Variants in PHLPP1 observed in about 807,000 individuals in gnomAD.
PHLPP1 encodes the protein PH domain and leucine rich repeat protein phosphatase 1, also known as PH domain leucine-rich repeat-containing protein phosphatase 1.
A neutral mutation model predicts 117.2 loss-of-function variants in PHLPP1; 42 were observed. The ratio of observed to expected loss-of-function variants is 0.36; its 90% CI spans 0.28 to 0.46. The LOEUF (loss-of-function observed/expected upper bound fraction) is 0.46. PHLPP1 is among the 20% of genes least tolerant of loss of function. PHLPP1 has a pLI of 1.00. For synonymous variants in PHLPP1, 1,042 were observed against 970.7 expected (o/e 1.07, Z -1.37); for missense variants, 2,084 against 2,241.9 (o/e 0.93, Z 1.42).
At chr18:62,863,368 T>C (rs1915682876) in intron 4 of PHLPP1, among the ~76,000 whole-genome samples, 1 of 152,062 alleles carries the variant, frequency 6.6e-6, no homozygotes, top group South Asian at 2.1e-4. Flanking sequence ...CACGCACAGC[T>C]AGAATTTATA....
Position 62,978,170 on chromosome 18 carries a change from A to G in PHLPP1, c.3985-92A>G. The G allele has an allele frequency of 1.5e-6, 1 of 684,380 alleles. No homozygotes were observed. Among genetic ancestry groups the G allele is most frequent in the Non-Finnish European group, 2.5e-6 (1 of 394,154 alleles). 42.4% of individuals were successfully genotyped at this position (684,380 alleles called of 1,614,324 possible). A position where few individuals can be genotyped will look rare whatever the true frequency, so the allele number is the denominator to read the frequency against. ...ACACAGCACTTCTCTGTGGTCCTAC[A>G]GTCGAGACAGTCGAGGGACCCGCAG... is the stretch of plus-strand genomic sequence containing the variant. On this transcript the variant is annotated intron_variant, in intron 16 of 16. Coordinates refer to ENST00000262719, the MANE Select transcript of PHLPP1 (RefSeq NM_194449.4). This position sits in a 1 kb window ranked among gnomAD's most constrained non-coding sequence, Gnocchi z 7.0.
intron 1 of PHLPP1, among the ~76,000 whole-genome samples, chr18:62,752,963 G>A (rs1423390817): frequency 6.6e-6 from 1 of 152,166 alleles, no homozygotes; most frequent in East Asian, 1.9e-4. Context: ...TGTGTGTTGT[G>A]CCATATTACT....
At chr18:62,900,185 T>C (rs1916674646) in intron 6 of PHLPP1, among the ~76,000 whole-genome samples, 1 of 151,910 alleles carries the variant, frequency 6.6e-6, no homozygotes, top group Non-Finnish European at 1.5e-5. Flanking sequence ...TAGTCCCAAC[T>C]ACTCGGTAGG....
rs66530466 is a variant in PHLPP1, at chr18:62,940,354, C to CTTTTTTTTTTTT, written c.2961-1347_2961-1336dup. Among the ~76,000 whole-genome samples, 49 of 46,822 alleles carry CTTTTTTTTTTTT rather than the reference C, an allele frequency of 1.0e-3. 6 individuals carry two copies. Among genetic ancestry groups the CTTTTTTTTTTTT allele is most frequent in the African/African-American group, 1.9e-3 (20 of 10,400 alleles). 30.7% of individuals were successfully genotyped at this position (46,822 alleles called of 152,430 possible). On this transcript the variant is annotated intron_variant, in intron 10 of 16. Coordinates refer to ENST00000262719, the MANE Select transcript of PHLPP1 (RefSeq NM_194449.4). ...ATCCACGTTTCTTTTTCTTTCTTTTCTTTTTTTTTTTTTTTTTTTTTTTTT... is the reference window on the plus strand; with the variant it reads ...ATCCACGTTTCTTTTTCTTTCTTTTCTTTTTTTTTTTTTTTTTTTTTTTTTTTTTTTTTTTTT...
chr18:62,932,213 A>G (rs539013304), intron 10 of PHLPP1, among the ~76,000 whole-genome samples: 29 of 152,332 alleles, frequency 1.9e-4, no homozygotes, highest in African/African-American at 6.5e-4. Flanking sequence ...GCTGGTACCA[A>G]TCTTGTTGAA....
At position 62,945,180 on chromosome 18, in the gene PHLPP1, C is replaced by T. The variant is rs182574029; in HGVS notation, c.3233C>T (p.Thr1078Met). The change falls in exon 12 of 17, where the codon ACG (threonine) becomes ATG (methionine). Residue 1078 changes from threonine to methionine, a missense_variant. By Grantham distance (81) the Thr-to-Met change is moderately conservative. Around this residue, in one of 2 missense-constraint regions of PHLPP1, gnomAD observed 1,365 missense variants for 1,605.9 expected, o/e 0.85. Transcript: ENST00000262719. ...AATAAGCTGAAAGCCATCCCAACAA[C>T]GATCATGAATTGCAGGCGCATGCAC... Reference protein sequence around the residue: ...SGNKLKAIPTTIMNCRRMHTV... With the variant: ...SGNKLKAIPTMIMNCRRMHTV... 8 of 1,612,858 alleles carry T rather than the reference C, an allele frequency of 5.0e-6. No individual in the cohort carries two copies. Among genetic ancestry groups the T allele is most frequent in the Admixed American group, 3.3e-5 (2 of 59,832 alleles).
At chr18:62,962,595 C>G (rs1251095555) in intron 13 of PHLPP1, among the ~76,000 whole-genome samples, 1 of 152,212 alleles carries the variant, frequency 6.6e-6, no homozygotes, top group Non-Finnish European at 1.5e-5. Context: ...AGGCGTGAGC[C>G]ACCGCGCCTG....
chr18:62,964,596 C>T (rs1415519737), intron 14 of PHLPP1, among the ~76,000 whole-genome samples: 3 of 152,134 alleles, frequency 2.0e-5, no homozygotes, highest in South Asian at 2.1e-4. Context: ...CAGAATAACC[C>T]GAGGAGGTGT....
At chr18:62,748,813 A>G (rs1288015009) in intron 1 of PHLPP1, among the ~76,000 whole-genome samples, 1 of 151,998 alleles carries the variant, frequency 6.6e-6, no homozygotes, top group Non-Finnish European at 1.5e-5. Context: ...TTATATTTGG[A>G]TTTGTTTACT....
chr18:62,844,477 T>C (rs894152905), intron 3 of PHLPP1, among the ~76,000 whole-genome samples: 2 of 152,210 alleles, frequency 1.3e-5, no homozygotes, highest in Non-Finnish European at 2.9e-5. Context: ...TATTCTGAAG[T>C]AGAGATAATT....
chr18:62,753,269 T>C (rs904123348), intron 1 of PHLPP1, among the ~76,000 whole-genome samples: 5 of 152,182 alleles, frequency 3.3e-5, no homozygotes, highest in African/African-American at 1.2e-4. Flanking sequence ...CAAAAAATGT[T>C]TTTAGTTCAC....
intron 4 of PHLPP1, among the ~76,000 whole-genome samples, chr18:62,873,146 T>C (rs556080238): frequency 6.6e-6 from 1 of 152,288 alleles, no homozygotes; most frequent in South Asian, 2.1e-4. Context: ...TAGAGAGTTC[T>C]TTTATGGTGA....
At chr18:62,752,347 A>G (rs1031856176) in intron 1 of PHLPP1, among the ~76,000 whole-genome samples, 4 of 152,242 alleles carry the variant, frequency 2.6e-5, no homozygotes, top group African/African-American at 7.2e-5. Context: ...ACATCTAAAC[A>G]TTTTAAAATC....
chr18:62,887,777 G>T (rs762494972), intron 4 of PHLPP1, among the ~76,000 whole-genome samples: 2 of 151,624 alleles, frequency 1.3e-5, no homozygotes, highest in African/African-American at 4.8e-5. Flanking sequence ...TCACTGTATT[G>T]CCTAGGCTGG....
In PHLPP1 at chr18:62,879,087, A is replaced by G. The variant is rs150363029; in HGVS notation, c.2067-15924A>G. 6.6e-3 allele frequency among the ~76,000 whole-genome samples: 1,002 copies of G among 152,340 alleles called. 18 individuals are homozygous for G. The highest frequency in any genetic ancestry group is 0.022 in the African/African-American group (929 of 41,580). On this transcript the variant is annotated intron_variant, in intron 4 of 16. Transcript: ENST00000262719. ...TACATCAGAATCACCTGTAGTGTTTATTGGTGCTATGGTTTGAATGTGTCC... is the reference window on the plus strand; with the variant it reads ...TACATCAGAATCACCTGTAGTGTTTGTTGGTGCTATGGTTTGAATGTGTCC...
At position 62,979,123 on chromosome 18, in the gene PHLPP1, G is replaced by T; in HGVS notation, c.4846G>T (p.Gly1616Trp). The change falls in exon 17 of 17, where the codon GGG becomes TGG. Residue 1616 changes from glycine (G) to tryptophan (W), a missense_variant. Gly to Trp is a radical substitution (Grantham distance 184). Coordinates refer to ENST00000262719, the MANE Select transcript of PHLPP1 (RefSeq NM_194449.4). The stretch of plus-strand genomic sequence containing the variant: ...CAGGAAGGCAGACTTCTCTGCCGTT[G>T]GGACCATTGGGCGCCGGAGGGCCAA... ...LPRKADFSAVGTIGRRRANGS... is the reference protein window; with the variant it reads ...LPRKADFSAVWTIGRRRANGS... 1 of 1,613,952 alleles carries T rather than the reference G, an allele frequency of 6.2e-7. No homozygotes were observed. The highest frequency in any genetic ancestry group is 8.5e-7 in the Non-Finnish European group (1 of 1,179,874).
chr18:62,935,376 G>C (rs1909940145), intron 10 of PHLPP1, among the ~76,000 whole-genome samples: 1 of 152,104 alleles, frequency 6.6e-6, no homozygotes, highest in South Asian at 2.1e-4. Flanking sequence ...TTGCAAATTT[G>C]AACAAATGAA....
rs1031225910 is a variant in PHLPP1, at chr18:62,867,881, G to A, written c.2066+7280G>A. 1.6e-4 allele frequency among the ~76,000 whole-genome samples: 24 copies of A among 151,812 alleles called. 1 individual carries two copies. Among genetic ancestry groups the A allele is most frequent in the Non-Finnish European group, 2.8e-4 (19 of 67,946 alleles). Reference sequence around the variant, plus strand: ...GGCTGGAGCGCAGTGGGGCGATCTCGGCTCACTGCAAGCTCCGCCTCCCAG... The same window carrying A: ...GGCTGGAGCGCAGTGGGGCGATCTCAGCTCACTGCAAGCTCCGCCTCCCAG... On this transcript the variant is annotated intron_variant, in intron 4 of 16. Transcript: ENST00000262719.
intron 1 of PHLPP1, among the ~76,000 whole-genome samples, chr18:62,738,042 T>C (rs1911418423): frequency 6.6e-6 from 1 of 152,054 alleles, no homozygotes; most frequent in Non-Finnish European, 1.5e-5. Flanking sequence ...CCTATACCTA[T>C]AGGTAGAACA....
Sources: gnomAD v4.1 joint callset for allele counts (sites outside exome capture counted in the v4.1 genomes callset) on GRCh38, gnomAD v4.1.1 for gene constraint, gnomAD v4.1.1 regional missense constraint, Gnocchi (gnomAD v3.1) non-coding constraint, MANE v1.5 for transcripts, NCBI Gene and HGNC (gene_info 2026-07-23, HGNC 2026-07-21) for gene names.